DHX32: variants seen among roughly 807,000 people sequenced by gnomAD.
The protein encoded by DHX32 is DEAH-box helicase 32 (putative), also known as putative pre-mRNA-splicing factor ATP-dependent RNA helicase DHX32.
A neutral mutation model predicts 70.0 loss-of-function variants in DHX32; 51 were observed. That is an observed-to-expected ratio of 0.73 (90% CI 0.58 to 0.92). The LOEUF (loss-of-function observed/expected upper bound fraction) is 0.92. Among genes scored for constraint, DHX32 ranks in the 40% least tolerant of loss-of-function variants. The probability of loss-of-function intolerance (pLI) is 0.00; values close to 1 mark genes in which losing one functional copy is unlikely to be tolerated. For synonymous variants in DHX32, 310 were observed against 315.3 expected (o/e 0.98, Z 0.18); for missense variants, 762 against 891.8 (o/e 0.85, Z 1.85).
chr10:125,861,577 T>TGGAATTTTGAAACATACTA (rs1944189202), intron 2 of DHX32, among the ~76,000 whole-genome samples: 1 of 152,170 alleles, frequency 6.6e-6, no homozygotes, highest in Non-Finnish European at 1.5e-5. Context: ...TCTGGGAGTC[T>TGGAATTTTGAAACATACTA]GGAATTTTGA....
intron 8 of DHX32, 64 bp from the exon 9 acceptor site, chr10:125,839,252 C>T: frequency 1.3e-6 from 2 of 1,535,702 alleles, no homozygotes; most frequent in Non-Finnish European, 1.8e-6. Context: ...AGAGCCCAGG[C>T]CAGGCAGTTG....
At chr10:125,850,134 T>TAAA (rs371549545) in intron 6 of DHX32, among the ~76,000 whole-genome samples, 9 of 133,540 alleles carry the variant, frequency 6.7e-5, no homozygotes, top group Non-Finnish European at 9.5e-5. Flanking sequence ...CCTGGCTCAT[T>TAAA]AAAAAAAAAA....
rs575560510 is a variant in DHX32 at position 125,879,813 on chromosome 10, G to A, written c.282+730C>T. Among the ~76,000 whole-genome samples, 7 of 152,086 alleles carry A rather than the reference G, an allele frequency of 4.6e-5. No homozygotes were observed. In the South Asian group the frequency reaches 8.3e-4, roughly 18 times the overall value. On this transcript the variant is annotated intron_variant, in intron 1 of 10. Transcript: ENST00000284690. ...ACGACAGGCATGCAGCACCATGCCCGGCTACTTCTTTGTAGAGACGGCATT... is the reference window on the plus strand; with the variant it reads ...ACGACAGGCATGCAGCACCATGCCCAGCTACTTCTTTGTAGAGACGGCATT...
In DHX32 at chr10:125,850,445, C is replaced by T. The variant is rs1197064844; in HGVS notation, c.1351+1848G>A. ...CAATCTTGGTTCACCGCAACCTCCA[C>T]CTCCTGAGTTCAAGTGATTCTCCTG... On this transcript the variant is annotated intron_variant, in intron 6 of 10. Coordinates refer to ENST00000284690, the MANE Select transcript of DHX32 (RefSeq NM_018180.3). 2.6e-5 allele frequency among the ~76,000 whole-genome samples: 4 copies of T among 151,072 alleles called. No homozygotes were observed. The East Asian group carries it at 5.8e-4, about 22-fold the overall frequency.
upstream of DHX32, among the ~76,000 whole-genome samples, chr10:125,884,533 T>G (rs1944332958): frequency 6.6e-6 from 1 of 152,228 alleles, no homozygotes; most frequent in East Asian, 1.9e-4. Context: ...GAAATCAATC[T>G]ATTACAGCTC....
chr10:125,850,134 TAAAA>T (rs371549545), intron 6 of DHX32, among the ~76,000 whole-genome samples: 2 of 133,528 alleles, frequency 1.5e-5, no homozygotes, highest in African/African-American at 2.8e-5. Flanking sequence ...CCTGGCTCAT[TAAAA>T]AAAAAAAAAA....
chr10:125,888,762 G>T (rs61870750), intron 1 of DHX32, among the ~76,000 whole-genome samples: 2,518 of 152,220 alleles, frequency 0.017, 3 homozygotes, highest in African/African-American at 0.057. Flanking sequence ...AAAGTAAAAG[G>T]TATTAATTCT....
intron 3 of DHX32, among the ~76,000 whole-genome samples, chr10:125,859,029 T>TTTG (rs1944166148): frequency 3.4e-5 from 5 of 146,620 alleles, no homozygotes; most frequent in African/African-American, 1.3e-4. Context: ...AGGTTTTTTT[T>TTTG]TTTGTTTGTT....
rs577812432 is a variant in DHX32 at position 125,894,890 on chromosome 10, A to G, written c.-248+1328T>C. ...AACTAGAACTTGAGAACCACTGGAT[A>G]CAGGAGTACTGCTGATCTTTATACT... is the stretch of plus-strand genomic sequence containing the variant. On this transcript the variant is annotated intron_variant, in intron 1 of 2. Transcript: ENST00000415732. Among the ~76,000 whole-genome samples the G allele has an allele frequency of 2.0e-5, 3 of 152,410 alleles. No individual in the cohort carries two copies. The East Asian group carries it at 5.8e-4, about 29-fold the overall frequency.
intron 1 of DHX32, among the ~76,000 whole-genome samples, chr10:125,890,186 T>C (rs79624503): frequency 1.2e-4 from 19 of 152,360 alleles, no homozygotes; most frequent in African/African-American, 4.1e-4. Context: ...AAACATGGTA[T>C]AGATAGATTT....
intron 9 of DHX32, among the ~76,000 whole-genome samples, chr10:125,838,592 T>C (rs149304523): frequency 6.6e-6 from 1 of 152,310 alleles, no homozygotes; most frequent in African/African-American, 2.4e-5. Flanking sequence ...GTTAACTAAC[T>C]TCAGCAACAG....
At chr10:125,888,027 A>G (rs1944349343) in intron 1 of DHX32, among the ~76,000 whole-genome samples, 1 of 152,206 alleles carries the variant, frequency 6.6e-6, no homozygotes. Flanking sequence ...AAGCCCACTC[A>G]ACAGTAAATT....
chr10:125,879,028 T>G (rs1944301848), intron 1 of DHX32, among the ~76,000 whole-genome samples: 1 of 138,394 alleles, frequency 7.2e-6, no homozygotes, highest in Non-Finnish European at 1.6e-5. Flanking sequence ...TTTTTTTTTT[T>G]TTTTTTTTTT....
In DHX32 at chr10:125,866,455, C is replaced by T. The variant is rs1376160129; in HGVS notation, c.476+535G>A. On this transcript the variant is annotated intron_variant, in intron 2 of 10. Coordinates refer to ENST00000284690, the MANE Select transcript of DHX32 (RefSeq NM_018180.3). This position sits in a 1 kb window ranked among gnomAD's most constrained non-coding sequence, Gnocchi z 4.8. The stretch of plus-strand genomic sequence containing the variant: ...ACTGTCGAAGCTGCTATGATGCAGG[C>T]TGACACCAAGTTTTCCAGAAGCCCC... Among the ~76,000 whole-genome samples, 1 of 152,208 alleles carries T rather than the reference C, an allele frequency of 6.6e-6. No homozygotes were observed. The highest frequency in any genetic ancestry group is 1.9e-4 in the East Asian group (1 of 5,194).
chr10:125,876,369 C>A (rs2134069588), intron 1 of DHX32, among the ~76,000 whole-genome samples: 1 of 152,306 alleles, frequency 6.6e-6, no homozygotes, highest in African/African-American at 2.4e-5. Flanking sequence ...TCTATCTTGA[C>A]AACAAACAAG....
rs780859133 is a variant in DHX32, at chr10:125,838,360, T to TA, written c.1908dup (p.Asn637Ter). 6.3e-7 allele frequency: 1 copy of TA among 1,599,196 alleles called. No individual in the cohort carries two copies. Among genetic ancestry groups the TA allele is most frequent in the East Asian group, 2.2e-5 (1 of 44,766 alleles). ...TGCTTATGTGTCAGCATTAAGTAGT[T>TA]ACCTGATCCATCAACATCCCGAGCA... On this transcript the variant is annotated frameshift_variant, in exon 10 of 11. Coordinates refer to ENST00000284690, the MANE Select transcript of DHX32 (RefSeq NM_018180.3). LOFTEE classifies it high-confidence loss of function.
At chr10:125,861,772 T>C (rs1337694349) in intron 2 of DHX32, among the ~76,000 whole-genome samples, 1 of 152,176 alleles carries the variant, frequency 6.6e-6, no homozygotes, top group African/African-American at 2.4e-5. Context: ...CATCCACTAT[T>C]TCCCTTTGCT....
At chr10:125,845,969 C>T (rs369228873) in intron 6 of DHX32, among the ~76,000 whole-genome samples, 1 of 152,208 alleles carries the variant, frequency 6.6e-6, no homozygotes, top group Non-Finnish European at 1.5e-5. Flanking sequence ...CTCGACTCTC[C>T]CTGCATGTCA....
rs889146131 is a variant in DHX32 at position 125,840,847 on chromosome 10, A to G, written c.1693T>C (p.Tyr565His). 6.3e-7 allele frequency: 1 copy of G among 1,584,408 alleles called. No individual in the cohort carries two copies. ...AGGTAGTTTCTGAGCATTCACTTAC[A>G]CTCACTGCTAGAATTCAGAGTTGTG... Reference protein sequence around the residue: ...QDTTLNSSSEYCVEKWCRDYF... With the variant: ...QDTTLNSSSEHCVEKWCRDYF... Residue 565 changes from tyrosine (Y) to histidine (H), a missense_variant and splice_region_variant, in exon 8 of 11, where the codon TAC becomes CAC. This residue lies in a region of DHX32 where 366 missense variants were observed against 402.6 expected (regional missense o/e 0.91). Transcript: ENST00000284690.
Sources: gnomAD v4.1 joint callset for allele counts (sites outside exome capture counted in the v4.1 genomes callset) on GRCh38, gnomAD v4.1.1 for gene constraint, gnomAD v4.1.1 regional missense constraint, Gnocchi (gnomAD v3.1) non-coding constraint, MANE v1.5 for transcripts, NCBI Gene and HGNC (gene_info 2026-07-23, HGNC 2026-07-21) for gene names.